The following ASB5 variants were observed in gnomAD, a reference collection of about 807,000 sequenced individuals.
ASB5 encodes the protein ankyrin repeat and SOCS box protein 5.
Under a neutral mutation model 42.1 loss-of-function variants are expected in ASB5, and 45 were observed. The ratio of observed to expected loss-of-function variants is 1.07; its 90% CI spans 0.84 to 1.37. The LOEUF is 1.37. Ranked by LOEUF, ASB5 falls within the 40% of genes most tolerant of loss-of-function variation. The pLI, the probability that ASB5 is intolerant of heterozygous loss-of-function variation, is 0.00. For synonymous variants in ASB5, 147 were observed against 150.6 expected (o/e 0.98, Z 0.18); for missense variants, 402 against 399.8 (o/e 1.01, Z -0.05).
upstream of ASB5, among the ~76,000 whole-genome samples, chr4:176,272,512 C>T (rs1200882294): frequency 6.6e-6 from 1 of 152,154 alleles, no homozygotes. Context: ...GGCTTTCCTC[C>T]TGCTGTCACC....
chr4:176,273,948 G>A (rs1200158428), upstream of ASB5, among the ~76,000 whole-genome samples: 13 of 152,222 alleles, frequency 8.5e-5, no homozygotes, highest in East Asian at 2.3e-3. Context: ...TTAATGGATC[G>A]TATCTTGCCC....
intron 1 of ASB5, among the ~76,000 whole-genome samples, chr4:176,227,351 TC>T (rs1298779736): frequency 6.6e-6 from 1 of 152,234 alleles, no homozygotes; most frequent in African/African-American, 2.4e-5. Context: ...CTGCCTGCTT[TC>T]CCTTAGGATT....
At chr4:176,271,247 T>C (rs1754464099), upstream of ASB5, among the ~76,000 whole-genome samples, 1 of 152,178 alleles carries the variant, frequency 6.6e-6, no homozygotes, top group African/African-American at 2.4e-5. Context: ...AATTACTAAA[T>C]AAAAATTAAG....
chr4:176,263,826 A>G (rs1003434500), intron 1 of ASB5, among the ~76,000 whole-genome samples: 1 of 152,176 alleles, frequency 6.6e-6, no homozygotes, highest in African/African-American at 2.4e-5. Context: ...TACTGCTTCT[A>G]TTGCTAGCAT....
intron 1 of ASB5, among the ~76,000 whole-genome samples, chr4:176,254,417 T>G (rs1341346413): frequency 6.6e-6 from 1 of 151,982 alleles, no homozygotes; most frequent in Non-Finnish European, 1.5e-5. Context: ...AATTCAAAAT[T>G]GATTAAATAT....
intron 1 of ASB5, chr4:176,237,196 C>T: frequency 1.2e-6 from 1 of 840,584 alleles, no homozygotes; most frequent in African/African-American, 1.8e-5. Flanking sequence ...AATCCGCATT[C>T]TGGAAAGCAC....
At chr4:176,263,616 T>C (rs78970321) in intron 1 of ASB5, among the ~76,000 whole-genome samples, 4,804 of 152,240 alleles carry the variant, frequency 0.032, 279 homozygotes, top group East Asian at 0.28. Flanking sequence ...TAGAAAATGG[T>C]CCAAAAACTT....
intron 1 of ASB5, among the ~76,000 whole-genome samples, chr4:176,250,831 G>C: frequency 6.6e-6 from 1 of 152,214 alleles, no homozygotes; most frequent in East Asian, 1.9e-4. Flanking sequence ...GATTAAACGT[G>C]TTTATAATGG....
At chr4:176,221,788 T>C (rs1359942275) in intron 3 of ASB5, among the ~76,000 whole-genome samples, 188 bp from the exon 4 acceptor site, 1 of 152,078 alleles carries the variant, frequency 6.6e-6, no homozygotes, top group Non-Finnish European at 1.5e-5. Context: ...AGAAATATGA[T>C]ATGGCAGATA....
intron 1 of ASB5, among the ~76,000 whole-genome samples, chr4:176,255,562 C>T (rs1183540011): frequency 2.0e-5 from 3 of 152,202 alleles, no homozygotes; most frequent in Admixed American, 6.5e-5. Context: ...TTTGCAGCAA[C>T]GTGGATGCAG....
intron 1 of ASB5, chr4:176,237,178 T>C: frequency 1.5e-6 from 1 of 665,276 alleles, no homozygotes; most frequent in Non-Finnish European, 1.9e-6. Context: ...GCCATACATG[T>C]GCATTTCAAT....
intron 1 of ASB5, among the ~76,000 whole-genome samples, chr4:176,240,869 T>C (rs948135901): frequency 2.6e-5 from 4 of 152,178 alleles, no homozygotes; most frequent in South Asian, 2.1e-4. Context: ...TGTTCCTCCA[T>C]TGTCAGAAAA....
At chr4:176,268,155 A>T (rs1754393987) in intron 1 of ASB5, among the ~76,000 whole-genome samples, 1 of 152,116 alleles carries the variant, frequency 6.6e-6, no homozygotes, top group Non-Finnish European at 1.5e-5. Context: ...AGTCATTTTT[A>T]TTTTTTAGAG....
At chr4:176,224,228 T>TTTTC (rs1753308053) in intron 2 of ASB5, among the ~76,000 whole-genome samples, 1 of 93,310 alleles carries the variant, frequency 1.1e-5, no homozygotes, top group East Asian at 2.4e-4. Flanking sequence ...TTGATTTTTT[T>TTTTC]TTTTTTTTTT....
rs552719742 is a variant in ASB5, at chr4:176,214,407, G to A, written c.*1193C>T. On this transcript the variant is annotated 3_prime_UTR_variant, in exon 7 of 7. Transcript: ENST00000296525. ...TAATAGGCCCTGAATTACAAAACAG[G>A]CATAAAATTTTATTAAGTTTTTTAT... is the stretch of plus-strand genomic sequence containing the variant. 7.9e-5 allele frequency: 12 copies of A among 152,096 alleles called. No homozygotes were observed. The South Asian group carries it at 2.3e-3, about 29-fold the overall frequency. 9.4% of individuals were successfully genotyped at this position (152,096 alleles called of 1,614,324 possible). A position where few individuals can be genotyped will look rare whatever the true frequency, so the allele number is the denominator to read the frequency against.
At chr4:176,269,434 A>G (rs568383211), upstream of ASB5, among the ~76,000 whole-genome samples, 1 of 152,298 alleles carries the variant, frequency 6.6e-6, no homozygotes, top group Non-Finnish European at 1.5e-5. Context: ...CATTTTATAT[A>G]TTTAGTTATC....
chr4:176,244,679 G>A (rs1053472107), intron 1 of ASB5, among the ~76,000 whole-genome samples: 11 of 152,130 alleles, frequency 7.2e-5, no homozygotes, highest in African/African-American at 2.4e-4. Flanking sequence ...GAAGACCGAG[G>A]AGGTGGGAGA....
At chr4:176,234,771 T>A (rs1430482293) in intron 1 of ASB5, among the ~76,000 whole-genome samples, 1 of 152,188 alleles carries the variant, frequency 6.6e-6, no homozygotes, top group African/African-American at 2.4e-5. Context: ...GACTCCTGAC[T>A]CTATCACATA....
chr4:176,228,799 T>G (rs1280366257), intron 1 of ASB5, among the ~76,000 whole-genome samples: 1 of 152,202 alleles, frequency 6.6e-6, no homozygotes, highest in African/African-American at 2.4e-5. Flanking sequence ...TCATAAATAA[T>G]GTTCTTTTGG....
Sources: gnomAD v4.1 joint callset for allele counts (sites outside exome capture counted in the v4.1 genomes callset) on GRCh38, gnomAD v4.1.1 for gene constraint, MANE v1.5 for transcripts, NCBI Gene and HGNC (gene_info 2026-07-23, HGNC 2026-07-21) for gene names.